Variants in SPOPL observed in about 807,000 individuals in gnomAD.
The protein encoded by SPOPL is speckle-type POZ protein-like.
SPOPL carries 23 observed loss-of-function variants against 53.8 expected under a neutral mutation model. That is an observed-to-expected ratio of 0.43 (90% CI 0.31 to 0.61). The LOEUF (loss-of-function observed/expected upper bound fraction) is 0.61. Ranked by LOEUF, SPOPL falls within the 20% of genes least tolerant of loss-of-function variation. SPOPL has a pLI of 0.12. For synonymous variants in SPOPL, 164 were observed against 149.7 expected (o/e 1.10, Z -0.70); for missense variants, 442 against 466.9 (o/e 0.95, Z 0.49).
At chr2:138,538,460 G>T (rs1184827729) in intron 1 of SPOPL, among the ~76,000 whole-genome samples, 1 of 152,050 alleles carries the variant, frequency 6.6e-6, no homozygotes, top group Non-Finnish European at 1.5e-5. Context: ...AATATCCTTT[G>T]TCTCTCATAA....
intron 5 of SPOPL, among the ~76,000 whole-genome samples, chr2:138,553,160 A>G (rs1685351206): frequency 6.6e-6 from 1 of 152,078 alleles, no homozygotes. Context: ...ATTCTAAGAA[A>G]TAGTTCTCAG....
rs1685818089 is a variant in SPOPL, at chr2:138,572,944, A to G, written c.*3864A>G. On this transcript the variant is annotated 3_prime_UTR_variant, in exon 11 of 11. Coordinates refer to ENST00000280098, the MANE Select transcript of SPOPL (RefSeq NM_001001664.3). ...TTTTGTTGTCAGAGTTTATCATTGT[A>G]TACTGTAACCCAGTAAATTTTGCAT... 1 of 152,446 alleles carries G rather than the reference A, an allele frequency of 6.6e-6. No homozygotes were observed. Among genetic ancestry groups the G allele is most frequent in the Non-Finnish European group, 1.5e-5 (1 of 68,018 alleles). The allele number at this position is 152,446 out of a possible 1,614,324, so 9.4% of individuals were successfully genotyped here. A position where few individuals can be genotyped will look rare whatever the true frequency, so the allele number is the denominator to read the frequency against.
chr2:138,519,575 G>A (rs1483661585), intron 1 of SPOPL, among the ~76,000 whole-genome samples: 4 of 152,112 alleles, frequency 2.6e-5, no homozygotes, highest in Non-Finnish European at 5.9e-5. Context: ...TAGGTGGGAG[G>A]ATCACTTGAG....
At chr2:138,554,350 A>G (rs770920237) in intron 5 of SPOPL, 1 of 643,800 alleles carries the variant, frequency 1.6e-6, no homozygotes, top group Non-Finnish European at 2.2e-6. Flanking sequence ...CGTATTTAGC[A>G]TAGGTGGGCA....
intron 1 of SPOPL, among the ~76,000 whole-genome samples, chr2:138,528,304 G>A (rs1684721469): frequency 1.3e-5 from 2 of 152,154 alleles, no homozygotes; most frequent in Non-Finnish European, 2.9e-5. Context: ...TTGTGTATGT[G>A]ATGAAAGGTT....
intron 1 of SPOPL, among the ~76,000 whole-genome samples, chr2:138,521,940 T>G (rs774648351): frequency 6.6e-6 from 1 of 152,186 alleles, no homozygotes; most frequent in Non-Finnish European, 1.5e-5. Context: ...GATGAGTTTT[T>G]TGTGTGTGTT....
intron 5 of SPOPL, 110 bp downstream of exon 5, chr2:138,552,791 G>T: frequency 8.0e-7 from 1 of 1,251,826 alleles, no homozygotes; most frequent in Middle Eastern, 2.6e-4. Context: ...AGTTGATTGA[G>T]TTTCATTTGT....
At chr2:138,564,555 C>T in intron 8 of SPOPL, 153 bp from the exon 9 acceptor site, 1 of 812,650 alleles carries the variant, frequency 1.2e-6, no homozygotes, top group Non-Finnish European at 1.8e-6. Context: ...TTTATATTTA[C>T]TTCGTATTAG....
At position 138,540,191 on chromosome 2, in the gene SPOPL, G is replaced by C. The variant is rs191988472; in HGVS notation, c.-60-9966G>C. Reference sequence around the variant, plus strand: ...AAGTCAGGTAGAGTGATGCCTCCAGGTTTGTTCTTTTGGCTTAGGATTGAC... The same window carrying C: ...AAGTCAGGTAGAGTGATGCCTCCAGCTTTGTTCTTTTGGCTTAGGATTGAC... On this transcript the variant is annotated intron_variant, in intron 1 of 10. Transcript: ENST00000280098. Among the ~76,000 whole-genome samples, 156 of 152,160 alleles carry C rather than the reference G, an allele frequency of 1.0e-3. 1 individual carries two copies. In the Middle Eastern group the frequency reaches 0.014, roughly 13 times the overall value.
At chr2:138,526,007 T>C (rs772811915) in intron 1 of SPOPL, among the ~76,000 whole-genome samples, 5 of 152,184 alleles carry the variant, frequency 3.3e-5, no homozygotes, top group Non-Finnish European at 7.3e-5. Context: ...CTAGATAGTA[T>C]TACCCATGTT....
chr2:138,565,042 T>C (rs764572752), intron 10 of SPOPL, 49 bp downstream of exon 10: 1 of 1,603,874 alleles, frequency 6.2e-7, no homozygotes, highest in Non-Finnish European at 8.5e-7. Context: ...ATAAGTGAGA[T>C]TAAGTGTTTG....
chr2:138,522,579 A>C (rs1573875529), intron 1 of SPOPL, among the ~76,000 whole-genome samples: 1 of 152,240 alleles, frequency 6.6e-6, no homozygotes, highest in East Asian at 1.9e-4. Context: ...TATATAACTA[A>C]GAAGAAGGAA....
intron 1 of SPOPL, among the ~76,000 whole-genome samples, chr2:138,513,685 AGCTATGGTCTTGTCACTGC>A (rs1684376869): frequency 2.0e-5 from 3 of 150,882 alleles, no homozygotes; most frequent in Non-Finnish European, 4.4e-5. Context: ...GGAGGCAGTG[AGCTATGGTCTTGTCACTGC>A]GCTCCAGCCT....
At chr2:138,518,232 G>A (rs542136831) in intron 1 of SPOPL, among the ~76,000 whole-genome samples, 2 of 152,116 alleles carry the variant, frequency 1.3e-5, no homozygotes, top group South Asian at 4.1e-4. Flanking sequence ...AAAAGGTTGG[G>A]GAAGAATGAG....
rs1347019707 is a variant in SPOPL at position 138,552,566 on chromosome 2, C to G, written c.365C>G (p.Ala122Gly). ...EETKAMESQR[A>G]YRFVQGKDWG... ...TGTTTTCCACCAGAAAGCCAAAGAG[C>G]ATATCGATTTGTGCAAGGGAAGGAC... Residue 122 changes from alanine (A) to glycine (G), a missense_variant, in exon 5 of 11, where the codon GCA becomes GGA. Transcript: ENST00000280098. The G allele has an allele frequency of 6.2e-7, 1 of 1,609,952 alleles. No homozygotes were observed. Among genetic ancestry groups the G allele is most frequent in the Non-Finnish European group, 8.5e-7 (1 of 1,178,372 alleles).
At chr2:138,526,492 T>A (rs1684677987) in intron 1 of SPOPL, among the ~76,000 whole-genome samples, 1 of 152,152 alleles carries the variant, frequency 6.6e-6, no homozygotes, top group African/African-American at 2.4e-5. Context: ...ATCTGTAATT[T>A]TTAATTTTTT....
intron 7 of SPOPL, among the ~76,000 whole-genome samples, chr2:138,559,969 C>A (rs1685509385): frequency 6.6e-6 from 1 of 151,978 alleles, no homozygotes; most frequent in South Asian, 2.1e-4. Context: ...TTTCTTTCTC[C>A]AAGTTTTGGT....
At chr2:138,548,026 G>A (rs1008718334) in intron 1 of SPOPL, among the ~76,000 whole-genome samples, 7 of 151,892 alleles carry the variant, frequency 4.6e-5, no homozygotes, top group Admixed American at 1.3e-4. Context: ...ATTTTCCTAG[G>A]ATGTATTTAC....
At chr2:138,562,166 CT>C (rs981485060) in intron 8 of SPOPL, among the ~76,000 whole-genome samples, 389 of 136,900 alleles carry the variant, frequency 2.8e-3, no homozygotes, top group African/African-American at 8.1e-3. Context: ...AGTCTTTTTT[CT>C]TTTTTTTTTT....
Sources: gnomAD v4.1 joint callset for allele counts (sites outside exome capture counted in the v4.1 genomes callset) on GRCh38, gnomAD v4.1.1 for gene constraint, MANE v1.5 for transcripts, NCBI Gene and HGNC (gene_info 2026-07-23, HGNC 2026-07-21) for gene names.